Variants in ACSM1 observed in about 807,000 individuals in gnomAD.
ACSM1 encodes acyl-coenzyme A synthetase ACSM1, mitochondrial.
A neutral mutation model predicts 75.8 loss-of-function variants in ACSM1; 79 were observed. The observed-to-expected ratio is 1.04, with a 90% confidence interval of 0.87 to 1.26. The LOEUF (loss-of-function observed/expected upper bound fraction) is 1.26. Among genes scored for constraint, ACSM1 ranks in the 50% most tolerant of loss-of-function variants. The pLI is 0.00. For synonymous variants in ACSM1, 279 were observed against 265.8 expected, an observed-to-expected ratio of 1.05 and a Z score of -0.48; for missense variants, 676 against 720.1, an observed-to-expected ratio of 0.94 and a Z score of 0.70.
At chr16:20,691,311 G>C in intron 1 of ACSM1, 72 bp from the exon 2 acceptor site, 1 of 780,468 alleles carries the variant, frequency 1.3e-6, no homozygotes. Flanking sequence ...CATGTTTTTG[G>C]TTAATTGCTA....
At chr16:20,658,595 A>G (rs1485713223) in intron 7 of ACSM1, among the ~76,000 whole-genome samples, 1 of 152,132 alleles carries the variant, frequency 6.6e-6, no homozygotes, top group African/African-American at 2.4e-5. Flanking sequence ...CCTGCCAAGG[A>G]AAAAATGACG....
chr16:20,693,492 T>A (rs978632901), intron 1 of ACSM1, among the ~76,000 whole-genome samples: 6 of 152,202 alleles, frequency 3.9e-5, no homozygotes, highest in Non-Finnish European at 7.3e-5. Flanking sequence ...ATTGAAGCAC[T>A]TTATCATCAT....
intron 1 of ACSM1, among the ~76,000 whole-genome samples, chr16:20,697,094 A>AT (rs1004903539): frequency 6.6e-6 from 1 of 151,706 alleles, no homozygotes; most frequent in Non-Finnish European, 1.5e-5. Context: ...GATGTTAACC[A>AT]TTTTTTTTGA....
chr16:20,661,971 C>A, intron 6 of ACSM1, 98 bp from the exon 7 acceptor site: 1 of 685,182 alleles, frequency 1.5e-6, no homozygotes, highest in Non-Finnish European at 2.5e-6. Flanking sequence ...ACTAGAAGAG[C>A]CCATTTGTTA....
At chr16:20,629,797 T>C (rs1012456282) in intron 10 of ACSM1, among the ~76,000 whole-genome samples, 1 of 152,034 alleles carries the variant, frequency 6.6e-6, no homozygotes, top group African/African-American at 2.4e-5. Flanking sequence ...ATGGAGACCA[T>C]CCTGGCCAAC....
chr16:20,668,542 A>C (rs2019702699), intron 6 of ACSM1, among the ~76,000 whole-genome samples: 1 of 152,194 alleles, frequency 6.6e-6, no homozygotes, highest in African/African-American at 2.4e-5. Context: ...GAATGATCAG[A>C]TGGGCTTTAC....
chr16:20,642,787 G>A (rs1390361035), intron 7 of ACSM1, among the ~76,000 whole-genome samples: 3 of 152,172 alleles, frequency 2.0e-5, no homozygotes, highest in African/African-American at 7.2e-5. Context: ...GTGGCAAATG[G>A]GGGCAACAAG....
chr16:20,691,074 T>C lies in ACSM1; in HGVS notation c.115A>G (p.Arg39Gly). ...CRSLSEFGAP[R>G]WNDYEVPEEF... ...TCCGGTACTTCATAGTCATTCCATC[T>C]TGGGGCTCCAAATTCTGATAAAGAC... is the stretch of plus-strand genomic sequence containing the variant. Residue 39 changes from arginine to glycine, a missense_variant, in exon 2 of 14, where the codon AGA (arginine) becomes GGA (glycine). By Grantham distance (125) the Arg-to-Gly change is moderately radical. Transcript: ENST00000520010. 1 of 1,613,814 alleles carries C rather than the reference T, an allele frequency of 6.2e-7. No homozygotes were observed.
chr16:20,642,163 G>A (rs2018100163), intron 7 of ACSM1, among the ~76,000 whole-genome samples: 1 of 152,110 alleles, frequency 6.6e-6, no homozygotes, highest in South Asian at 2.1e-4. Context: ...GGTCAACGTG[G>A]GCACTAATAA....
At chr16:20,658,663 T>A (rs1290443899) in intron 7 of ACSM1, among the ~76,000 whole-genome samples, 2 of 152,180 alleles carry the variant, frequency 1.3e-5, no homozygotes, top group Non-Finnish European at 2.9e-5. Context: ...TACCAGTATA[T>A]GGTGCAATAC....
chr16:20,696,959 T>TCC (rs1461278387), intron 1 of ACSM1, among the ~76,000 whole-genome samples: 1 of 152,144 alleles, frequency 6.6e-6, no homozygotes, highest in African/African-American at 2.4e-5. Flanking sequence ...TCTTCCCAGC[T>TCC]CCCCATAAGG....
At chr16:20,695,649 TCTAC>T (rs1319708492) in intron 1 of ACSM1, among the ~76,000 whole-genome samples, 3 of 151,606 alleles carry the variant, frequency 2.0e-5, no homozygotes, top group East Asian at 3.9e-4. Context: ...CGTCTATCTA[TCTAC>T]CTATTACCTA....
Position 20,685,164 on chromosome 16 carries a change from G to A in ACSM1, c.403+29C>T, listed in dbSNP as rs746105844. On this transcript the variant is annotated intron_variant, in intron 3 of 13. Transcript: ENST00000520010. ...CCATTGGTTCTAGAACAGCCCCGAGGTCCACCAGGTCCCTCTTGCATCACT... is the reference window on the plus strand; with the variant it reads ...CCATTGGTTCTAGAACAGCCCCGAGATCCACCAGGTCCCTCTTGCATCACT... 3.3e-5 allele frequency: 53 copies of A among 1,612,720 alleles called. 3 individuals are homozygous for A. The South Asian group carries it at 5.6e-4, about 17-fold the overall frequency.
chr16:20,647,906 A>C (rs2018448723), intron 7 of ACSM1, among the ~76,000 whole-genome samples: 1 of 152,062 alleles, frequency 6.6e-6, no homozygotes, highest in African/African-American at 2.4e-5. Context: ...GTTCCTTATA[A>C]ATGCTAAACT....
intron 7 of ACSM1, among the ~76,000 whole-genome samples, chr16:20,644,009 G>C (rs988825670): frequency 3.9e-5 from 6 of 152,114 alleles, no homozygotes; most frequent in African/African-American, 1.4e-4. Flanking sequence ...TTTTTACAGA[G>C]TGCTGATTGG....
chr16:20,663,752 T>C (rs1213074724), intron 6 of ACSM1, among the ~76,000 whole-genome samples: 1 of 152,190 alleles, frequency 6.6e-6, no homozygotes, highest in Non-Finnish European at 1.5e-5. Flanking sequence ...CTACTTTCTG[T>C]TTTAGATCTT....
chr16:20,690,060 T>C (rs1237797791), intron 2 of ACSM1, among the ~76,000 whole-genome samples: 1 of 152,200 alleles, frequency 6.6e-6, no homozygotes, highest in African/African-American at 2.4e-5. Flanking sequence ...TAACTGAGGG[T>C]TTTATTTTTC....
chr16:20,688,809 C>T (rs1342793122), intron 2 of ACSM1, among the ~76,000 whole-genome samples: 2 of 151,826 alleles, frequency 1.3e-5, no homozygotes, highest in Non-Finnish European at 1.5e-5. Flanking sequence ...TGGAGAGGAA[C>T]TCAAATATGA....
chr16:20,626,358 A>AATAAC (rs2016922427), intron 11 of ACSM1, among the ~76,000 whole-genome samples: 1 of 151,922 alleles, frequency 6.6e-6, no homozygotes, highest in Non-Finnish European at 1.5e-5. Context: ...AATAAAATAA[A>AATAAC]ATAAAATAAA....
Sources: gnomAD v4.1 joint callset for allele counts (sites outside exome capture counted in the v4.1 genomes callset) on GRCh38, gnomAD v4.1.1 for gene constraint, MANE v1.5 for transcripts, NCBI Gene and HGNC (gene_info 2026-07-23, HGNC 2026-07-21) for gene names.